AP3D1: variants seen among roughly 807,000 people sequenced by gnomAD.
The protein encoded by AP3D1 is AP-3 complex subunit delta-1.
AP3D1 carries 51 observed loss-of-function variants against 147.6 expected under a neutral mutation model. The ratio of observed to expected loss-of-function variants is 0.35; its 90% confidence interval spans 0.28 to 0.44. The LOEUF (loss-of-function observed/expected upper bound fraction) is 0.44. AP3D1 is among the 20% of genes least tolerant of loss of function. AP3D1 has a pLI of 1.00. For synonymous variants in AP3D1, 760 were observed against 663.0 expected (o/e 1.15, Z -2.25); for missense variants, 1,421 against 1,624.2 (o/e 0.87, Z 2.15).
At chr19:2,141,884 G>T (rs1031484138) in intron 1 of AP3D1, among the ~76,000 whole-genome samples, 2 of 150,678 alleles carry the variant, frequency 1.3e-5, no homozygotes, top group African/African-American at 4.9e-5. Flanking sequence ...TAAATAGCTG[G>T]GATTACAGGG....
chr19:2,151,134 A>T, intron 1 of AP3D1, 105 bp downstream of exon 1: 1 of 1,145,216 alleles, frequency 8.7e-7, no homozygotes, highest in Non-Finnish European at 1.2e-6. Context: ...TCCAACTAAG[A>T]CAGAGCCCGG....
At chr19:2,132,968 G>A (rs915010257) in intron 4 of AP3D1, among the ~76,000 whole-genome samples, 6 of 152,140 alleles carry the variant, frequency 3.9e-5, no homozygotes, top group Admixed American at 2.6e-4. Flanking sequence ...GGAATCAACC[G>A]AGTTTCCTGG....
Position 2,132,561 on chromosome 19 carries a change from G to C in AP3D1, c.372C>G (p.Ser124Arg). 1 of 1,606,036 alleles carries C rather than the reference G, an allele frequency of 6.2e-7. No homozygotes were observed. Among genetic ancestry groups the C allele is most frequent in the Non-Finnish European group, 8.5e-7 (1 of 1,173,424 alleles). The change falls in exon 5 of 32, where the codon AGC (serine) becomes AGG (arginine). Residue 124 changes from serine to arginine, a missense_variant. This residue lies in a region of AP3D1 where 292 missense variants were observed against 412.0 expected (regional missense o/e 0.71). Coordinates refer to ENST00000643116, the MANE Select transcript of AP3D1 (RefSeq NM_001261826.3). ...NQIRKDLSSPSQYDTGVALTG... is the reference protein window; with the variant it reads ...NQIRKDLSSPRQYDTGVALTG... ...TCAGTGCAACACCTGTGTCGTACTG[G>C]CTGGGGCTGCTCAAGTCCTGGAAAG...
Position 2,131,668 on chromosome 19 carries a change from G to A in AP3D1, c.462+803C>T, listed in dbSNP as rs112932447. On this transcript the variant is annotated intron_variant, in intron 5 of 31. Transcript: ENST00000643116. ...CACCTCCAGGCGGACAGGCAGCCAC[G>A]CGGGGACTGCGCCCATCGGCCACGA... is the stretch of plus-strand genomic sequence containing the variant. 9.8e-5 allele frequency among the ~76,000 whole-genome samples: 8 copies of A among 81,994 alleles called. No homozygotes were observed. The South Asian group carries it at 1.4e-3, about 15-fold the overall frequency. 53.8% of individuals were successfully genotyped at this position (81,994 alleles called of 152,430 possible).
chr19:2,130,632 C>A, intron 5 of AP3D1, 95 bp from the exon 6 acceptor site: 1 of 1,559,186 alleles, frequency 6.4e-7, no homozygotes, highest in Non-Finnish European at 8.7e-7. Context: ...AGGAGATGCC[C>A]TCCAGCCCGA....
chr19:2,120,013 G>A, intron 14 of AP3D1, among the ~76,000 whole-genome samples: 1 of 152,200 alleles, frequency 6.6e-6, no homozygotes, highest in East Asian at 1.9e-4. Context: ...GCTGGCTGGG[G>A]ACCCTTTCGG....
At chr19:2,141,106 G>A (rs1261135558) in intron 1 of AP3D1, among the ~76,000 whole-genome samples, 1 of 152,034 alleles carries the variant, frequency 6.6e-6, no homozygotes, top group East Asian at 1.9e-4. Flanking sequence ...ACATGACCTA[G>A]ACCCAAAAGA....
intron 8 of AP3D1, among the ~76,000 whole-genome samples, chr19:2,128,438 T>G (rs893992633): frequency 6.6e-6 from 1 of 150,710 alleles, no homozygotes; most frequent in Non-Finnish European, 1.5e-5. Flanking sequence ...TTGCAGCCAC[T>G]CCAGCACTGC....
chr19:2,117,377 A>T lies in AP3D1; in HGVS notation c.1714-10T>A, dbSNP rs764191808. The T allele has an allele frequency of 6.3e-7, 1 of 1,583,912 alleles. No individual in the cohort carries two copies. Among genetic ancestry groups the T allele is most frequent in the East Asian group, 2.3e-5 (1 of 43,816 alleles). On this transcript the variant is annotated splice_polypyrimidine_tract_variant and intron_variant, in intron 15 of 31. Transcript: ENST00000643116. ...GCAGGATGCAGGACGCCTGTGGGGG[A>T]CACAGGGGTCACTGCTGGCACCTGC...
intron 9 of AP3D1, among the ~76,000 whole-genome samples, chr19:2,125,206 A>G (rs1255425767): frequency 6.6e-6 from 1 of 152,262 alleles, no homozygotes; most frequent in Non-Finnish European, 1.5e-5. Flanking sequence ...AAGTCTACAT[A>G]TAAATGTAAA....
Position 2,117,279 on chromosome 19 carries a change from G to A in AP3D1, c.1802C>T (p.Ala601Val). The change falls in exon 16 of 32, where the codon GCT becomes GTT. Residue 601 changes from alanine to valine, a missense_variant. Ala to Val is a moderately conservative substitution (Grantham distance 64). This residue lies in a region of AP3D1 where 310 missense variants were observed against 388.1 expected (regional missense o/e 0.80). Coordinates refer to ENST00000643116, the MANE Select transcript of AP3D1 (RefSeq NM_001261826.3). ...PVAEEVSALF[A>V]GELNPVAPKA... ...GGGGGCCACTGGGTTCAGCTCCCCAGCAAAGAGAGCGCTGACCTCCTCTGC... is the reference window on the plus strand; with the variant it reads ...GGGGGCCACTGGGTTCAGCTCCCCAACAAAGAGAGCGCTGACCTCCTCTGC... The A allele has an allele frequency of 1.2e-6, 2 of 1,612,824 alleles. No homozygotes were observed. Among genetic ancestry groups the A allele is most frequent in the Non-Finnish European group, 1.7e-6 (2 of 1,179,698 alleles).
intron 29 of AP3D1, 169 bp downstream of exon 29, chr19:2,109,704 G>C: frequency 1.5e-6 from 1 of 652,906 alleles, no homozygotes; most frequent in African/African-American, 1.8e-5. Context: ...CACGGCCCCG[G>C]CTGGCGCAGA....
intron 1 of AP3D1, among the ~76,000 whole-genome samples, chr19:2,142,174 C>T (rs933900291): frequency 3.3e-5 from 5 of 151,956 alleles, no homozygotes; most frequent in East Asian, 1.9e-4. Flanking sequence ...GGTACTACCA[C>T]GCCTGGCTAA....
At chr19:2,164,126 C>A in intron 1 of AP3D1, 1 of 803,088 alleles carries the variant, frequency 1.2e-6, no homozygotes, top group Non-Finnish European at 1.6e-6. Context: ...CGCCCACCGG[C>A]GGCCCCGCCC....
At chr19:2,111,977 C>T (rs577860175) in intron 24 of AP3D1, 149 bp from the exon 25 acceptor site, 43 of 1,296,968 alleles carry the variant, frequency 3.3e-5, no homozygotes, top group Non-Finnish European at 4.5e-5. Flanking sequence ...CTCAGGCCTA[C>T]CGGGACAAGC....
In AP3D1 at chr19:2,129,476, T is replaced by G; in HGVS notation, c.593-19A>C. 6.2e-7 allele frequency: 1 copy of G among 1,609,496 alleles called. No individual in the cohort carries two copies. The highest frequency in any genetic ancestry group is 8.5e-7 in the Non-Finnish European group (1 of 1,177,322). ...TGAACCCCTGGGGAACAAGGGGTTC[T>G]CATCAGCATGCCTGTCCTTCCACCT... On this transcript the variant is annotated intron_variant, in intron 6 of 31. Transcript: ENST00000643116.
At chr19:2,154,230 TGA>T (rs1192626442), upstream of AP3D1, among the ~76,000 whole-genome samples, 1 of 151,780 alleles carries the variant, frequency 6.6e-6, no homozygotes, top group Admixed American at 6.6e-5. Flanking sequence ...ATTACAGGTG[TGA>T]GCCACTGCAC....
At chr19:2,152,312 G>A (rs1212633521), upstream of AP3D1, among the ~76,000 whole-genome samples, 6 of 150,620 alleles carry the variant, frequency 4.0e-5, no homozygotes, top group African/African-American at 9.8e-5. Flanking sequence ...GAGGCCGTAA[G>A]CGGGAAGATC....
Position 2,115,591 on chromosome 19 carries a change from A to C in AP3D1, c.2096T>G (p.Val699Gly), listed in dbSNP as rs892398194. The C allele has an allele frequency of 6.2e-7, 1 of 1,612,934 alleles. No individual in the cohort carries two copies. The highest frequency in any genetic ancestry group is 8.5e-7 in the Non-Finnish European group (1 of 1,179,712). Residue 699 changes from valine to glycine, a missense_variant, in exon 19 of 32, where the codon GTG (valine) becomes GGG (glycine). Val to Gly is a moderately radical substitution (Grantham distance 109). Transcript: ENST00000643116. ...PQKRYQDTPG[V>G]EHIPVVQIDL... ...AATCTGCACCACGGGAATGTGCTCCACGCCCGGGGTGTCCTGGTACCGCTG... is the reference window on the plus strand; with the variant it reads ...AATCTGCACCACGGGAATGTGCTCCCCGCCCGGGGTGTCCTGGTACCGCTG...
Sources: allele counts gnomAD v4.1 joint callset (sites outside exome capture counted in the v4.1 genomes callset), GRCh38; gene constraint gnomAD v4.1.1; regional missense constraint gnomAD v4.1.1; transcripts MANE v1.5; gene names NCBI Gene and HGNC (gene_info 2026-07-23, HGNC 2026-07-21).